Variants in SAMMSON observed in about 807,000 individuals in gnomAD.
SAMMSON encodes long intergenic non-protein coding RNA 1212.
At chr3:70,145,126 A>C (rs2067543136) in intron 4 of SAMMSON, among the ~76,000 whole-genome samples, 1 of 152,084 alleles carries the variant, frequency 6.6e-6, no homozygotes, top group African/African-American at 2.4e-5. Context: ...ATCTCAGGTC[A>C]CAGAAAACCC....
At chr3:70,007,990 G>C (rs1232974502) in intron 1 of SAMMSON, among the ~76,000 whole-genome samples, 1 of 151,980 alleles carries the variant, frequency 6.6e-6, no homozygotes, top group Non-Finnish European at 1.5e-5. Flanking sequence ...GCTCTGTTCT[G>C]TTCCATTGGT....
In SAMMSON at chr3:70,341,138, G is replaced by C. The variant is rs933308459; in HGVS notation, n.740-13037G>C. 2.7e-4 allele frequency among the ~76,000 whole-genome samples: 41 copies of C among 151,930 alleles called. 3 individuals are homozygous for C. The highest frequency in any genetic ancestry group is 7.4e-5 in the Non-Finnish European group (5 of 68,000). ...CATCATCACCATATCCCTCTTTCTGGTGCTTTGGGATATAGTTTCTTGATG... is the reference window on the plus strand; with the variant it reads ...CATCATCACCATATCCCTCTTTCTGCTGCTTTGGGATATAGTTTCTTGATG... On this transcript the variant is annotated intron_variant and non_coding_transcript_variant, in intron 7 of 9. Transcript: ENST00000642114.
At position 70,399,860 on chromosome 3, in the gene SAMMSON, A is replaced by C. The variant is rs552891286; in HGVS notation, n.233+41536A>C. Among the ~76,000 whole-genome samples, 4 of 149,938 alleles carry C rather than the reference A, an allele frequency of 2.7e-5. No individual in the cohort carries two copies. In the East Asian group the frequency reaches 7.8e-4, roughly 29 times the overall value. On this transcript the variant is annotated intron_variant and non_coding_transcript_variant, in intron 2 of 3. Transcript: ENST00000641053. ...ACAGAGCAAGACTCTGACTCAAAAAAAAAAAACAAAAAAAAAACAAAAAAA... is the reference window on the plus strand; with the variant it reads ...ACAGAGCAAGACTCTGACTCAAAAACAAAAAACAAAAAAAAAACAAAAAAA...
intron 4 of SAMMSON, among the ~76,000 whole-genome samples, chr3:70,134,259 C>CAAA (rs71126480): frequency 7.6e-6 from 1 of 132,088 alleles, no homozygotes. Context: ...GATTCCATCT[C>CAAA]AAAAAAAAAA....
chr3:70,377,514 A>T (rs28547932), intron 9 of SAMMSON, among the ~76,000 whole-genome samples: 3,203 of 152,204 alleles, frequency 0.021, 90 homozygotes, highest in African/African-American at 0.059. Context: ...AAAAGATTAA[A>T]TTTTTTTAAT....
chr3:70,103,269 G>A (rs182330717), intron 4 of SAMMSON, among the ~76,000 whole-genome samples: 18 of 152,226 alleles, frequency 1.2e-4, no homozygotes, highest in Admixed American at 3.3e-4. Flanking sequence ...CCATCATGTA[G>A]GCCAAACAAA....
chr3:70,185,807 C>A (rs376529145), intron 4 of SAMMSON, among the ~76,000 whole-genome samples: 1,082 of 101,964 alleles, frequency 0.011, no homozygotes, highest in East Asian at 0.028. Context: ...CCCGCCTCTA[C>A]AAAAAAAAAA....
At chr3:70,425,854 A>G (rs906840269) in intron 2 of SAMMSON, among the ~76,000 whole-genome samples, 1 of 152,210 alleles carries the variant, frequency 6.6e-6, no homozygotes. Flanking sequence ...ATTATTTGAA[A>G]GGAAACATTT....
chr3:70,025,618 A>G (rs1311458503), intron 3 of SAMMSON, among the ~76,000 whole-genome samples: 2 of 152,168 alleles, frequency 1.3e-5, no homozygotes, highest in African/African-American at 4.8e-5. Flanking sequence ...AAAATAGCAA[A>G]CAGAAAGATG....
chr3:70,428,926 C>T (rs1224793641), intron 2 of SAMMSON, among the ~76,000 whole-genome samples: 1 of 152,136 alleles, frequency 6.6e-6, no homozygotes, highest in Non-Finnish European at 1.5e-5. Flanking sequence ...TTAAAAAGAT[C>T]ATTGCCCTTA....
intron 4 of SAMMSON, among the ~76,000 whole-genome samples, chr3:70,134,359 CT>C (rs71620118): frequency 0.019 from 2,644 of 139,708 alleles, 50 homozygotes; most frequent in African/African-American, 0.056. Flanking sequence ...ATTTTTTTAA[CT>C]TTTTTTTTTT....
At chr3:70,281,224 A>T (rs983803794) in intron 6 of SAMMSON, among the ~76,000 whole-genome samples, 1 of 152,152 alleles carries the variant, frequency 6.6e-6, no homozygotes, top group Non-Finnish European at 1.5e-5. Context: ...TTCACATCTG[A>T]TCATGTTCCT....
chr3:70,060,385 T>C (rs1206424502), intron 3 of SAMMSON, among the ~76,000 whole-genome samples: 1 of 152,064 alleles, frequency 6.6e-6, no homozygotes, highest in Admixed American at 6.6e-5. Context: ...CCAGGGGAAG[T>C]GCTATTTTCT....
At chr3:70,291,305 C>G (rs1485642013) in intron 7 of SAMMSON, 1 of 151,958 alleles carries the variant, frequency 6.6e-6, no homozygotes, top group Admixed American at 6.6e-5. Context: ...TAATAGCAGC[C>G]AACTCATTTT....
intron 4 of SAMMSON, among the ~76,000 whole-genome samples, chr3:70,222,906 T>C (rs1463500177): frequency 6.6e-6 from 1 of 152,198 alleles, no homozygotes; most frequent in Non-Finnish European, 1.5e-5. Flanking sequence ...CCTTTTCAGG[T>C]GATCAGCTTG....
intron 9 of SAMMSON, among the ~76,000 whole-genome samples, chr3:70,373,338 T>A (rs967129549): frequency 6.6e-6 from 1 of 152,158 alleles, no homozygotes; most frequent in Admixed American, 6.6e-5. Flanking sequence ...TGATGATAAA[T>A]CTGCTATCAT....
intron 4 of SAMMSON, among the ~76,000 whole-genome samples, chr3:70,177,183 T>G (rs1055019351): frequency 2.0e-5 from 3 of 152,196 alleles, no homozygotes; most frequent in Non-Finnish European, 2.9e-5. Context: ...TTTTTTAGGT[T>G]GTTTTGCTTT....
chr3:70,267,582 T>TG (rs1701930577), intron 6 of SAMMSON, among the ~76,000 whole-genome samples: 4 of 146,712 alleles, frequency 2.7e-5, no homozygotes, highest in Admixed American at 1.4e-4. Context: ...TTTTGTATTT[T>TG]TTTTTTTTTT....
chr3:70,424,486 T>A (rs1046126362), intron 2 of SAMMSON, among the ~76,000 whole-genome samples: 8 of 151,440 alleles, frequency 5.3e-5, no homozygotes, highest in African/African-American at 1.9e-4. Flanking sequence ...AAATACCAAG[T>A]TTTTTTTTAA....
Sources: allele counts gnomAD v4.1 joint callset (sites outside exome capture counted in the v4.1 genomes callset), GRCh38; gene constraint gnomAD v4.1.1; transcripts MANE v1.5; gene names NCBI Gene and HGNC (gene_info 2026-07-23, HGNC 2026-07-21).